The following KMT2D variants were observed in gnomAD, a reference collection of about 807,000 sequenced individuals.
The protein encoded by KMT2D is lysine methyltransferase 2D, also known as histone-lysine N-methyltransferase 2D.
A neutral mutation model predicts 512.7 loss-of-function variants in KMT2D; 55 were observed. That is an observed-to-expected ratio of 0.11 (90% CI 0.09 to 0.13). KMT2D has a LOEUF of 0.13. Ranked by LOEUF, KMT2D falls within the 10% of genes least tolerant of loss-of-function variation. KMT2D has a pLI of 1.00. For missense variants in KMT2D, 6,061 were observed against 7,127.9 expected (o/e 0.85, Z 5.39); for synonymous variants, 2,995 against 2,904.0 (o/e 1.03, Z -1.01).
Position 49,038,963 on chromosome 12 carries a change from A to G in KMT2D, c.8393T>C (p.Phe2798Ser). The G allele has an allele frequency of 6.4e-7, 1 of 1,551,816 alleles. No homozygotes were observed. The highest frequency in any genetic ancestry group is 1.7e-4 in the Middle Eastern group (1 of 5,994). Residue 2798 changes from phenylalanine to serine, a missense_variant, in exon 35 of 55, where the codon TTC (phenylalanine) becomes TCC (serine). By Grantham distance (155) the Phe-to-Ser change is radical (BLOSUM62 -2). This residue lies in a region of KMT2D where 527 missense variants were observed against 578.9 expected (regional missense o/e 0.91). Transcript: ENST00000301067. The surrounding 1 kb of genome is among the most constrained non-coding windows in gnomAD (Gnocchi z 5.7). ...CCCAGGATAGGGTGCTCGCTGATAG[A>G]AAGCTTGGGAGCCTCCTACCAGTTG... ...SRQLVGGSQAFYQRAPYPGSL... is the reference protein window; with the variant it reads ...SRQLVGGSQASYQRAPYPGSL...
rs766963404 is a variant in KMT2D at position 49,051,207 on chromosome 12, G to C, written c.2476C>G (p.Pro826Ala). ...SPVPEEPCLS[P>A]QPEESHLSPQ... ...GACAGGTGTGATTCCTCAGGTTGGG[G>C]GGACAAGCATGGCTCCTCAGGCACA... is the stretch of plus-strand genomic sequence containing the variant. Residue 826 changes from proline to alanine, a missense_variant, in exon 11 of 55, where the codon CCC becomes GCC. Coordinates refer to ENST00000301067, the MANE Select transcript of KMT2D (RefSeq NM_003482.4). 2.0e-6 allele frequency: 3 copies of C among 1,514,702 alleles called. No individual in the cohort carries two copies. Among genetic ancestry groups the C allele is most frequent in the Non-Finnish European group, 2.7e-6 (3 of 1,125,976 alleles). 93.8% of individuals were successfully genotyped at this position (1,514,702 alleles called of 1,614,324 possible).
rs1381358728 is a variant in KMT2D, at chr12:49,050,264, A to T, written c.3324T>A (p.Pro1108=). The change falls in exon 12 of 55, where the codon CCT becomes CCA. Residue 1108 remains proline (P), a synonymous_variant. Transcript: ENST00000301067. ...MGDLSCPAPS[P]APALDDFSGL... The stretch of plus-strand genomic sequence containing the variant: ...CAGAGAAGTCATCCAGGGCTGGGGC[A>T]GGGCTGGGGGCGGGGCAGGAAAGGT... 1.2e-6 allele frequency: 2 copies of T among 1,611,802 alleles called. No homozygotes were observed. Among genetic ancestry groups the T allele is most frequent in the Admixed American group, 3.4e-5 (2 of 59,698 alleles).
rs770272063 is a variant in KMT2D, at chr12:49,040,998, G to T, written c.6772C>A (p.Pro2258Thr). The T allele has an allele frequency of 6.3e-7, 1 of 1,598,650 alleles. No individual in the cohort carries two copies. The highest frequency in any genetic ancestry group is 1.1e-5 in the South Asian group (1 of 89,662). ...CCTCCCCCTACCCCAGGGCTCTCAG[G>T]CACAGCCAAGTTATCCAGCGAGGGG... ...RCPSLDNLAV[P>T]ESPGVGGGKA... The change falls in exon 32 of 55, where the codon CCT becomes ACT. Residue 2258 changes from proline (P) to threonine (T), a missense_variant. Pro to Thr is a conservative substitution (Grantham distance 38). Coordinates refer to ENST00000301067, the MANE Select transcript of KMT2D (RefSeq NM_003482.4).
Position 49,031,917 on chromosome 12 carries a change from A to C in KMT2D, c.12788T>G (p.Leu4263Arg), listed in dbSNP as rs1942936407. The change falls in exon 40 of 55, where the codon CTT becomes CGT. Residue 4263 changes from leucine (L) to arginine (R), a missense_variant. Transcript: ENST00000301067. Reference protein sequence around the residue: ...LQGLLGCQPQLGGFPGPQTGP... With the variant: ...LQGLLGCQPQRGGFPGPQTGP... Reference sequence around the variant, plus strand: ...TGTCTGTGGTCCAGGGAAGCCCCCAAGTTGAGGTTGGCAGCCCAGGAGGCC... The same window carrying C: ...TGTCTGTGGTCCAGGGAAGCCCCCACGTTGAGGTTGGCAGCCCAGGAGGCC... The C allele has an allele frequency of 6.5e-7, 1 of 1,536,604 alleles. No individual in the cohort carries two copies. Among genetic ancestry groups the C allele is most frequent in the Non-Finnish European group, 8.8e-7 (1 of 1,142,734 alleles).
intron 2 of KMT2D, 107 bp downstream of exon 2, chr12:49,055,169 C>G (rs1938334354): frequency 6.5e-7 from 1 of 1,541,132 alleles, no homozygotes; most frequent in Admixed American, 1.7e-5. Flanking sequence ...CAAAGTTGTT[C>G]CATTACTTAT....
chr12:49,027,427 G>A, intron 48 of KMT2D, 105 bp from the exon 49 acceptor site: 2 of 870,878 alleles, frequency 2.3e-6, no homozygotes, highest in Middle Eastern at 3.7e-4. Flanking sequence ...CACATTCTTT[G>A]CCCTAGACAG....
chr12:49,024,523 G>A lies in KMT2D; in HGVS notation c.16052+55C>T, dbSNP rs1449529538. 1 of 1,549,016 alleles carries A rather than the reference G, an allele frequency of 6.5e-7. No homozygotes were observed. Among genetic ancestry groups the A allele is most frequent in the Non-Finnish European group, 8.7e-7 (1 of 1,147,100 alleles). ...CCTAAATCCTCATAATGGGACCAGA[G>A]GATCCCTGTCAACACCCACACCCAC... On this transcript the variant is annotated intron_variant, in intron 51 of 54. Transcript: ENST00000301067. The surrounding 1 kb of genome is among the most constrained non-coding windows in gnomAD (Gnocchi z 4.5).
chr12:49,034,040 G>A (rs2120450453), intron 39 of KMT2D, 27 bp downstream of exon 39: 2 of 1,600,882 alleles, frequency 1.2e-6, no homozygotes, highest in African/African-American at 2.7e-5. Context: ...CCTTCTGGGT[G>A]CTAGGCTGAA....
Position 49,049,216 on chromosome 12 carries a change from A to G in KMT2D, c.3909T>C (p.Gly1303=). 6.3e-7 allele frequency: 1 copy of G among 1,591,032 alleles called. No homozygotes were observed. The highest frequency in any genetic ancestry group is 2.3e-5 in the East Asian group (1 of 44,356). ...SSPARSRIKQ[G]RSSSFPGRRR... ...GTCTTCCTGGGAAACTGCTGCTGCG[A>G]CCCTGAGTGAAAGAAGGGGACAATG... Residue 1303 remains glycine, a splice_region_variant and synonymous_variant, in exon 13 of 55, where the codon GGT becomes GGC. Transcript: ENST00000301067.
At position 49,027,935 on chromosome 12, in the gene KMT2D, A is replaced by C. The variant is rs1183662538; in HGVS notation, c.14516-5T>G. On this transcript the variant is annotated splice_region_variant and splice_polypyrimidine_tract_variant and intron_variant, in intron 47 of 54. Transcript: ENST00000301067. ...CCAGACCCTTTTCCTTCCCACCTGC[A>C]GAAAGGAGTGGATCAGAGCCTCCCA... 6.2e-7 allele frequency: 1 copy of C among 1,613,824 alleles called. No individual in the cohort carries two copies. The highest frequency in any genetic ancestry group is 1.3e-5 in the African/African-American group (1 of 74,908).
intron 36 of KMT2D, 64 bp from the exon 37 acceptor site, chr12:49,034,730 G>T: frequency 6.2e-7 from 1 of 1,606,654 alleles, no homozygotes; most frequent in Non-Finnish European, 8.5e-7. Flanking sequence ...GCAAAGAGAC[G>T]TGGGACAAGT....
Position 49,041,172 on chromosome 12 carries a change from G to C in KMT2D, c.6598C>G (p.Pro2200Ala), listed in dbSNP as rs2120542849. 3 of 1,519,604 alleles carry C rather than the reference G, an allele frequency of 2.0e-6. No homozygotes were observed. The highest frequency in any genetic ancestry group is 1.8e-4 in the Middle Eastern group (1 of 5,586). The allele number at this position is 1,519,604 out of a possible 1,614,324, so 94.1% of individuals were successfully genotyped here. A position where few individuals can be genotyped will look rare whatever the true frequency, so the allele number is the denominator to read the frequency against. Residue 2200 changes from proline (P) to alanine (A), a missense_variant, in exon 32 of 55, where the codon CCT becomes GCT. Pro to Ala is a conservative substitution (Grantham distance 27). This residue lies in a region of KMT2D where 710 missense variants were observed against 647.3 expected (regional missense o/e 1.10). Coordinates refer to ENST00000301067, the MANE Select transcript of KMT2D (RefSeq NM_003482.4). This position sits in a 1 kb window ranked among gnomAD's most constrained non-coding sequence, Gnocchi z 5.4. Reference protein sequence around the residue: ...PTAPPTYPPYPSPTGAPAQPP... With the variant: ...PTAPPTYPPYASPTGAPAQPP... ...TGCGCAGGGGCCCCCGTAGGACTAG[G>C]ATAGGGGGGATAGGTGGGCGGTGCC...
Position 49,024,801 on chromosome 12 carries a change from C to A in KMT2D, c.15921+9G>T. 3 of 1,612,264 alleles carry A rather than the reference C, an allele frequency of 1.9e-6. No individual in the cohort carries two copies. The highest frequency in any genetic ancestry group is 8.5e-7 in the Non-Finnish European group (1 of 1,178,772). On this transcript the variant is annotated intron_variant, in intron 50 of 54. Coordinates refer to ENST00000301067, the MANE Select transcript of KMT2D (RefSeq NM_003482.4). The surrounding 1 kb of genome is among the most constrained non-coding windows in gnomAD (Gnocchi z 4.5). ...CGCCAAGCCCCCCAGCTCCCAGCCC[C>A]TTCCTTACTGATTCAGCTATGCGAA...
At chr12:49,034,355 C>A in intron 38 of KMT2D, 55 bp downstream of exon 38, 1 of 1,610,382 alleles carries the variant, frequency 6.2e-7, no homozygotes, top group Non-Finnish European at 8.5e-7. Context: ...AATCCCTCTT[C>A]CTCCATATGA....
rs1942963597 is a variant in KMT2D at position 49,032,382 on chromosome 12, A to G, written c.12323T>C (p.Leu4108Pro). ...ATGGCTTCCTCCACCTGCTGTGTGG[A>G]GCAGGCTAACTTGCTGCTGCTGTTG... ...PGQQQQQVSL[L>P]HTAGGGSHGQ... Residue 4108 changes from leucine (L) to proline (P), a missense_variant, in exon 40 of 55, where the codon CTC becomes CCC. Physicochemically the swap from Leu to Pro is moderately conservative, Grantham distance 98. Around this residue, in one of 16 missense-constraint regions of KMT2D, gnomAD observed 1,600 missense variants for 1,754.9 expected, o/e 0.91. Coordinates refer to ENST00000301067, the MANE Select transcript of KMT2D (RefSeq NM_003482.4). 7 of 1,609,958 alleles carry G rather than the reference A, an allele frequency of 4.3e-6. No homozygotes were observed. The highest frequency in any genetic ancestry group is 5.9e-6 in the Non-Finnish European group (7 of 1,178,094).
At position 49,024,987 on chromosome 12, in the gene KMT2D, T is replaced by G. The variant is rs905640245; in HGVS notation, c.15785-41A>C. Reference sequence around the variant, plus strand: ...GAGAGCAGTCCTCAGAGGCAACTTCTGCTCACTGACCTCCAGTCCCTAACC... The same window carrying G: ...GAGAGCAGTCCTCAGAGGCAACTTCGGCTCACTGACCTCCAGTCCCTAACC... On this transcript the variant is annotated intron_variant, in intron 49 of 54. Transcript: ENST00000301067. The surrounding 1 kb of genome is among the most constrained non-coding windows in gnomAD (Gnocchi z 4.5). 2 of 1,563,370 alleles carry G rather than the reference T, an allele frequency of 1.3e-6. No homozygotes were observed. Among genetic ancestry groups the G allele is most frequent in the African/African-American group, 2.7e-5 (2 of 73,536 alleles).
chr12:49,051,381 G>GCTC lies in KMT2D; in HGVS notation c.2299_2301dup (p.Glu767dup), dbSNP rs1937994901. 6.2e-7 allele frequency: 1 copy of GCTC among 1,607,050 alleles called. No individual in the cohort carries two copies. Among genetic ancestry groups the GCTC allele is most frequent in the African/African-American group, 1.4e-5 (1 of 72,292 alleles). On this transcript the variant is annotated inframe_insertion, in exon 11 of 55. Coordinates refer to ENST00000301067, the MANE Select transcript of KMT2D (RefSeq NM_003482.4). The stretch of plus-strand genomic sequence containing the variant: ...TCCTCAGGCTGGGGGGACAGGTGTG[G>GCTC]CTCCTCAGCCTGCGGAGATAGGTGT...
chr12:49,045,093 TGAG>T (rs1943724781), intron 19 of KMT2D, 128 bp from the exon 20 acceptor site: 13 of 852,500 alleles, frequency 1.5e-5, no homozygotes, highest in East Asian at 2.6e-5. Context: ...GTCTAAATGC[TGAG>T]GAGAACAGGC....
At chr12:49,036,644 G>A (rs1421659773) in intron 35 of KMT2D, among the ~76,000 whole-genome samples, 1 of 151,704 alleles carries the variant, frequency 6.6e-6, no homozygotes, top group Non-Finnish European at 1.5e-5. Flanking sequence ...ATGCACCACC[G>A]CGCCCGGCTC....
Sources: gnomAD v4.1 joint callset for allele counts (sites outside exome capture counted in the v4.1 genomes callset) on GRCh38, gnomAD v4.1.1 for gene constraint, gnomAD v4.1.1 regional missense constraint, Gnocchi (gnomAD v3.1) non-coding constraint, MANE v1.5 for transcripts, NCBI Gene and HGNC (gene_info 2026-07-23, HGNC 2026-07-21) for gene names.